ARVCF: variants seen among roughly 807,000 people sequenced by gnomAD.
ARVCF encodes ARVCF delta catenin family member, also known as splicing regulator ARVCF.
A neutral mutation model predicts 90.9 loss-of-function variants in ARVCF; 66 were observed. That is an observed-to-expected ratio of 0.73 (90% CI 0.60 to 0.89). ARVCF has a LOEUF of 0.89. Among genes scored for constraint, ARVCF ranks in the 40% least tolerant of loss-of-function variants. ARVCF has a pLI of 0.00. For synonymous variants in ARVCF, 653 were observed against 603.4 expected (o/e 1.08, Z -1.21); for missense variants, 1,469 against 1,382.3 (o/e 1.06, Z -1.00).
At chr22:19,976,366 C>G (rs183633947) in intron 10 of ARVCF, among the ~76,000 whole-genome samples, 26 of 152,326 alleles carry the variant, frequency 1.7e-4, no homozygotes, top group African/African-American at 6.0e-4. Flanking sequence ...AGCCAGATGA[C>G]CTGGGGTCCC....
In ARVCF at chr22:20,016,351, C is replaced by A. The variant is rs149444766; in HGVS notation, c.-73+238G>T. On this transcript the variant is annotated intron_variant, in intron 1 of 19. Transcript: ENST00000263207. Reference sequence around the variant, plus strand: ...CCCCAAGGCCACGCACAAAGAGACCCGCCCCCGCCGGCCCGGGGTCTCGGA... The same window carrying A: ...CCCCAAGGCCACGCACAAAGAGACCAGCCCCCGCCGGCCCGGGGTCTCGGA... Among the ~76,000 whole-genome samples the A allele has an allele frequency of 5.3e-4, 80 of 152,250 alleles. 1 individual carries two copies. The East Asian group carries it at 0.013, about 24-fold the overall frequency.
rs1000292738 is a variant in ARVCF at position 19,971,219 on chromosome 22, G to A, written c.*9C>T. ...ACAACCAGATGAGAGAACGTACCAG[G>A]CATGCAAGCTAGACCCAGGAATCAA... On this transcript the variant is annotated 3_prime_UTR_variant, in exon 19 of 20. Transcript: ENST00000263207. 6.4e-6 allele frequency: 10 copies of A among 1,552,546 alleles called. No individual in the cohort carries two copies. The highest frequency in any genetic ancestry group is 7.8e-6 in the Non-Finnish European group (9 of 1,147,422).
Position 19,970,554 on chromosome 22 carries a change from C to A in ARVCF, c.*202G>T. ...CATGTCAGTAAACAGCTAACTCAGGCCTAGGGAGTTAGGTAGGATGGGGGG... is the reference window on the plus strand; with the variant it reads ...CATGTCAGTAAACAGCTAACTCAGGACTAGGGAGTTAGGTAGGATGGGGGG... On this transcript the variant is annotated 3_prime_UTR_variant, in exon 20 of 20. Coordinates refer to ENST00000263207, the MANE Select transcript of ARVCF (RefSeq NM_001670.3). The A allele has an allele frequency of 1.7e-6, 2 of 1,205,142 alleles. No homozygotes were observed. Among genetic ancestry groups the A allele is most frequent in the African/African-American group, 1.6e-5 (1 of 61,296 alleles). 74.7% of individuals were successfully genotyped at this position (1,205,142 alleles called of 1,614,324 possible).
intron 3 of ARVCF, among the ~76,000 whole-genome samples, chr22:19,982,655 C>A (rs1943568993): frequency 6.6e-6 from 1 of 152,210 alleles, no homozygotes; most frequent in African/African-American, 2.4e-5. Context: ...GCCACCAACG[C>A]CAGCCAGACG....
intron 2 of ARVCF, among the ~76,000 whole-genome samples, chr22:20,007,034 G>GCAC (rs2146479080): frequency 6.6e-6 from 1 of 151,566 alleles, no homozygotes; most frequent in Admixed American, 6.6e-5. Flanking sequence ...CAAGTGGATT[G>GCAC]CTGGGGCCCA....
rs775706707 is a variant in ARVCF, at chr22:19,972,973, C to CTCGTG, written c.2501_2502insCACGA (p.Glu834AspfsTer32). ...CATCTTTCTGCAAGGTACCACGCAG[C>CTCGTG]TCCTTGTAGCTCCACACTGTCTGCA... On this transcript the variant is annotated frameshift_variant, in exon 15 of 20. Transcript: ENST00000263207. LOFTEE classifies it high-confidence loss of function. 1 of 1,613,774 alleles carries CTCGTG rather than the reference C, an allele frequency of 6.2e-7. No individual in the cohort carries two copies. The highest frequency in any genetic ancestry group is 1.1e-5 in the South Asian group (1 of 91,090).
In ARVCF at chr22:19,976,895, T is replaced by G. The variant is rs2240718; in HGVS notation, c.1871-172A>C. 0.92 allele frequency among the ~76,000 whole-genome samples: 139,473 copies of G among 152,160 alleles called. 64,478 individuals are homozygous for G. The highest frequency in any genetic ancestry group is 0.96 in the African/African-American group (39,966 of 41,502). On this transcript the variant is annotated intron_variant, in intron 9 of 19. Transcript: ENST00000263207. ...CTGGGCACTGAGCACCCACCAGGGGTACAAGAAGAGGGAGGCCTGGGGTCA... is the reference window on the plus strand; with the variant it reads ...CTGGGCACTGAGCACCCACCAGGGGGACAAGAAGAGGGAGGCCTGGGGTCA...
intron 2 of ARVCF, among the ~76,000 whole-genome samples, chr22:19,998,007 A>G (rs1173542419): frequency 6.6e-6 from 1 of 152,206 alleles, no homozygotes; most frequent in African/African-American, 2.4e-5. Flanking sequence ...TGGGGTGGGC[A>G]CAGGGACCAA....
chr22:20,014,479 G>A (rs1944951484), intron 1 of ARVCF, among the ~76,000 whole-genome samples: 1 of 152,242 alleles, frequency 6.6e-6, no homozygotes, highest in South Asian at 2.1e-4. Context: ...ACAGGCATGA[G>A]CCACTGCGCC....
Position 19,970,358 on chromosome 22 carries a change from CT to C in ARVCF, c.*397del. Reference sequence around the variant, plus strand: ...CCCCTCCCTGCCTAGCTGCCTGCCCCTGGCGCCAGACCTGGCCCGCACCACT... The same window carrying C: ...CCCCTCCCTGCCTAGCTGCCTGCCCCGGCGCCAGACCTGGCCCGCACCACT... On this transcript the variant is annotated 3_prime_UTR_variant, in exon 20 of 20. Coordinates refer to ENST00000263207, the MANE Select transcript of ARVCF (RefSeq NM_001670.3). The C allele has an allele frequency of 1.0e-6, 1 of 1,001,850 alleles. No individual in the cohort carries two copies. Among genetic ancestry groups the C allele is most frequent in the African/African-American group, 1.7e-5 (1 of 57,666 alleles). The allele number at this position is 1,001,850 out of a possible 1,614,324, so 62.1% of individuals were successfully genotyped here.
chr22:19,973,069 C>CCTCCCCCCCCACCCCCG, intron 14 of ARVCF, 33 bp from the exon 15 acceptor site: 2 of 1,607,924 alleles, frequency 1.2e-6, no homozygotes, highest in Non-Finnish European at 1.7e-6. Context: ...AGTGGTGGCC[C>CCTCCCCCCCCACCCCCG]CTCCCCCACC....
intron 1 of ARVCF, among the ~76,000 whole-genome samples, chr22:20,015,512 A>G (rs1326291320): frequency 6.6e-6 from 1 of 152,150 alleles, no homozygotes; most frequent in Non-Finnish European, 1.5e-5. Flanking sequence ...GATAGGTAAC[A>G]CCTGCCTTGT....
At chr22:19,987,773 TGGGGACCTGGAAAAGGGCCCTGCA>T (rs1035011301) in intron 3 of ARVCF, among the ~76,000 whole-genome samples, 6 of 151,978 alleles carry the variant, frequency 3.9e-5, no homozygotes, top group African/African-American at 1.2e-4. Flanking sequence ...CAGAGTTCGA[TGGGGACCTGGAAAAGGGCCCTGCA>T]GGGGACCCCC....
intron 1 of ARVCF, among the ~76,000 whole-genome samples, chr22:20,013,160 A>G (rs142720028): frequency 5.3e-5 from 8 of 152,358 alleles, no homozygotes; most frequent in African/African-American, 1.9e-4. Flanking sequence ...CTCAATGACA[A>G]TGCTGTCCAC....
rs1271913721 is a variant in ARVCF, at chr22:19,990,784, C to T, written c.11G>A (p.Cys4Tyr). The change falls in exon 3 of 20, where the codon TGC becomes TAC. Residue 4 changes from cysteine (C) to tyrosine (Y), a missense_variant. Physicochemically the swap from Cys to Tyr is radical, Grantham distance 194. Transcript: ENST00000263207. ...GATGCTGGCGGCCGAGTGCACATTG[C>T]AGTCCTCCATGACCAGAGCGCCCGC... MED[C>Y]NVHSAASILA... 5.7e-6 allele frequency: 9 copies of T among 1,570,880 alleles called. No individual in the cohort carries two copies. The highest frequency in any genetic ancestry group is 7.8e-6 in the Non-Finnish European group (9 of 1,157,334).
chr22:19,972,471 A>G (rs1446907235), intron 16 of ARVCF, 60 bp from the exon 17 acceptor site: 1 of 1,602,994 alleles, frequency 6.2e-7, no homozygotes, highest in African/African-American at 1.3e-5. Context: ...CGGGGCAGAG[A>G]AGCCCACACA....
Position 19,981,754 on chromosome 22 carries a change from C to T in ARVCF, c.370-17G>A. ...CTTGGTGACCTGGTGGATGGATAGG[C>T]AGGTAGGTGGGGTAGCACGAGAGGC... On this transcript the variant is annotated splice_polypyrimidine_tract_variant and intron_variant, in intron 4 of 19. Coordinates refer to ENST00000263207, the MANE Select transcript of ARVCF (RefSeq NM_001670.3). The T allele has an allele frequency of 6.4e-7, 1 of 1,555,804 alleles. No homozygotes were observed. Among genetic ancestry groups the T allele is most frequent in the Non-Finnish European group, 8.7e-7 (1 of 1,148,722 alleles).
chr22:19,968,555 A>C (rs201656482), downstream of ARVCF: 112 of 1,612,848 alleles, frequency 6.9e-5, 1 homozygote, highest in East Asian at 2.5e-3. Flanking sequence ...CTGCTGCGGA[A>C]GGGGACAGTG....
intron 10 of ARVCF, among the ~76,000 whole-genome samples, chr22:19,976,379 C>A (rs922449104): frequency 6.6e-6 from 1 of 152,190 alleles, no homozygotes; most frequent in African/African-American, 2.4e-5. Context: ...GGGGTCCCTG[C>A]CCTGCTCACC....
Sources: allele counts gnomAD v4.1 joint callset (sites outside exome capture counted in the v4.1 genomes callset), GRCh38; gene constraint gnomAD v4.1.1; transcripts MANE v1.5; gene names NCBI Gene and HGNC (gene_info 2026-07-23, HGNC 2026-07-21).